The following VANGL1 variants were observed in gnomAD, a reference collection of about 807,000 sequenced individuals.
The protein encoded by VANGL1 is vang-like protein 1.
VANGL1 carries 18 observed loss-of-function variants against 48.4 expected under a neutral mutation model. The ratio of observed to expected loss-of-function variants is 0.37; its 90% CI spans 0.26 to 0.55. The LOEUF is 0.55. Ranked by LOEUF, VANGL1 falls within the 20% of genes least tolerant of loss-of-function variation. The probability of loss-of-function intolerance (pLI) is 0.81; values close to 1 mark genes in which losing one functional copy is unlikely to be tolerated. For synonymous variants in VANGL1, 257 were observed against 261.8 expected (o/e 0.98, Z 0.18); for missense variants, 667 against 675.8 (o/e 0.99, Z 0.14).
At chr1:115,686,850 C>T (rs1231975207) in intron 7 of VANGL1, among the ~76,000 whole-genome samples, 8 of 152,156 alleles carry the variant, frequency 5.3e-5, no homozygotes, top group African/African-American at 1.4e-4. Flanking sequence ...AGTTCCTCTA[C>T]ACTTGTTTAC....
At position 115,697,917 on chromosome 1, in the gene VANGL1, AAACTGGGTAGTGGGCTCTTTTGACACATT is replaced by A. The variant is rs1654086833; in HGVS notation, c.*6539_*6567del. ...ACAAGGCCTGAGTGAGTTCCTGCAT[AAACTGGGTAGTGGGCTCTTTTGACACATT>A]TGCAAGCATGTAAATGAATGAATGA... On this transcript the variant is annotated 3_prime_UTR_variant, in exon 8 of 8. Transcript: ENST00000355485. 6 of 152,356 alleles carry A rather than the reference AAACTGGGTAGTGGGCTCTTTTGACACATT, an allele frequency of 3.9e-5. No individual in the cohort carries two copies. The highest frequency in any genetic ancestry group is 3.9e-4 in the Admixed American group (6 of 15,308). The allele number at this position is 152,356 out of a possible 1,614,324, so 9.4% of individuals were successfully genotyped here. A position where few individuals can be genotyped will look rare whatever the true frequency, so the allele number is the denominator to read the frequency against.
chr1:115,690,879 A>G, intron 7 of VANGL1, among the ~76,000 whole-genome samples: 1 of 151,922 alleles, frequency 6.6e-6, no homozygotes. Context: ...GGGTACCACT[A>G]TTCTTGCGCT....
chr1:115,674,414 C>T (rs192093240), intron 4 of VANGL1, among the ~76,000 whole-genome samples: 107 of 152,270 alleles, frequency 7.0e-4, no homozygotes, highest in African/African-American at 2.3e-3. Flanking sequence ...GCTCATAATT[C>T]GTAACTGCTT....
intron 5 of VANGL1, 90 bp from the exon 6 acceptor site, chr1:115,683,854 G>C: frequency 1.3e-6 from 2 of 1,538,356 alleles, no homozygotes; most frequent in East Asian, 2.3e-5. Context: ...GGGGTGGGTA[G>C]ACAACACTGA....
chr1:115,687,775 C>A (rs1008697928), intron 7 of VANGL1, among the ~76,000 whole-genome samples: 1 of 128,402 alleles, frequency 7.8e-6, no homozygotes, highest in Non-Finnish European at 1.7e-5. Context: ...CGCCACCATG[C>A]CTGGCAATTT....
chr1:115,681,507 T>TTG (rs1424994338), intron 4 of VANGL1, among the ~76,000 whole-genome samples: 5 of 143,996 alleles, frequency 3.5e-5, no homozygotes, highest in South Asian at 4.6e-4. Flanking sequence ...TTTGTTGTTT[T>TTG]TTTTGTTTTT....
intron 2 of VANGL1, among the ~76,000 whole-genome samples, chr1:115,653,714 C>T (rs184804209): frequency 6.6e-6 from 1 of 152,318 alleles, no homozygotes; most frequent in Non-Finnish European, 1.5e-5. Flanking sequence ...GAGACTGTAA[C>T]TTCCAATTAA....
chr1:115,647,287 A>C (rs1199207737), intron 1 of VANGL1, among the ~76,000 whole-genome samples: 1 of 152,180 alleles, frequency 6.6e-6, no homozygotes, highest in Non-Finnish European at 1.5e-5. Flanking sequence ...GTGACAGCCT[A>C]TCAGTGTATT....
chr1:115,654,447 A>G (rs1185156674), intron 2 of VANGL1, among the ~76,000 whole-genome samples: 1 of 136,724 alleles, frequency 7.3e-6, no homozygotes, highest in Non-Finnish European at 1.5e-5. Flanking sequence ...AACTTTTGTC[A>G]TTGTGGTGTG....
intron 4 of VANGL1, among the ~76,000 whole-genome samples, chr1:115,673,239 T>A (rs1653047635): frequency 6.6e-6 from 1 of 152,216 alleles, no homozygotes; most frequent in Non-Finnish European, 1.5e-5. Flanking sequence ...CTCTCACGTT[T>A]GCATTCATCT....
intron 4 of VANGL1, among the ~76,000 whole-genome samples, 182 bp downstream of exon 4, chr1:115,664,450 T>A (rs1273970111): frequency 6.6e-6 from 1 of 152,176 alleles, no homozygotes; most frequent in Admixed American, 6.5e-5. Flanking sequence ...GTTTCTGGAC[T>A]TCTAGATGGT....
Position 115,691,579 on chromosome 1 carries a change from T to A in VANGL1, c.*200T>A, listed in dbSNP as rs929439850. ...GTCCACCCTGAAAAAGAGTGACTGA[T>A]GACATCTGACTTTTGTCGATGGGAC... is the stretch of plus-strand genomic sequence containing the variant. On this transcript the variant is annotated 3_prime_UTR_variant, in exon 8 of 8. Transcript: ENST00000355485. 2.3e-5 allele frequency: 14 copies of A among 600,274 alleles called. No homozygotes were observed. In the African/African-American group the frequency reaches 2.6e-4, roughly 11 times the overall value. 37.2% of individuals were successfully genotyped at this position (600,274 alleles called of 1,614,324 possible). A position where few individuals can be genotyped will look rare whatever the true frequency, so the allele number is the denominator to read the frequency against.
intron 2 of VANGL1, among the ~76,000 whole-genome samples, chr1:115,653,403 C>G (rs537601599): frequency 1.2e-4 from 18 of 152,278 alleles, no homozygotes; most frequent in African/African-American, 4.3e-4. Flanking sequence ...TATGAAATAC[C>G]AGAAACAGCT....
intron 7 of VANGL1, among the ~76,000 whole-genome samples, chr1:115,686,398 A>AT (rs1411453203): frequency 1.3e-5 from 2 of 149,822 alleles, no homozygotes; most frequent in Non-Finnish European, 3.0e-5. Context: ...AAATGCCATC[A>AT]GGCATTTTGG....
At chr1:115,668,046 T>C (rs532326618) in intron 4 of VANGL1, among the ~76,000 whole-genome samples, 7 of 152,188 alleles carry the variant, frequency 4.6e-5, no homozygotes, top group Non-Finnish European at 7.4e-5. Flanking sequence ...ACAACAATCA[T>C]GTGAGGTAGG....
intron 6 of VANGL1, among the ~76,000 whole-genome samples, chr1:115,684,283 C>T (rs577894491): frequency 3.9e-5 from 6 of 152,074 alleles, no homozygotes; most frequent in South Asian, 4.2e-4. Context: ...CGATCACAGG[C>T]GCCCACCACC....
intron 1 of VANGL1, among the ~76,000 whole-genome samples, chr1:115,649,145 G>A (rs972742395): frequency 6.6e-6 from 1 of 152,194 alleles, no homozygotes; most frequent in African/African-American, 2.4e-5. Flanking sequence ...GATTGAAATT[G>A]CTAGTGAAAA....
In VANGL1 at chr1:115,691,882, T is replaced by TA. The variant is rs1653851795; in HGVS notation, c.*503_*504insA. On this transcript the variant is annotated 3_prime_UTR_variant, in exon 8 of 8. Coordinates refer to ENST00000355485, the MANE Select transcript of VANGL1 (RefSeq NM_138959.3). ...TGGGCAGTTCAGGAGATACCTGCCT[T>TA]CATCTTTGTTCTTTGTTGCCTTAGG... 1 of 155,512 alleles carries TA rather than the reference T, an allele frequency of 6.4e-6. No homozygotes were observed. The highest frequency in any genetic ancestry group is 1.4e-5 in the Non-Finnish European group (1 of 69,912). The allele number at this position is 155,512 out of a possible 1,614,324, so 9.6% of individuals were successfully genotyped here. A position where few individuals can be genotyped will look rare whatever the true frequency, so the allele number is the denominator to read the frequency against.
At chr1:115,681,512 G>GTT (rs71096825) in intron 4 of VANGL1, among the ~76,000 whole-genome samples, 21 of 135,116 alleles carry the variant, frequency 1.6e-4, no homozygotes, top group East Asian at 4.4e-4. Context: ...TGTTTTTTTT[G>GTT]TTTTTTTTTT....
Sources: allele counts gnomAD v4.1 joint callset (sites outside exome capture counted in the v4.1 genomes callset), GRCh38; gene constraint gnomAD v4.1.1; transcripts MANE v1.5; gene names NCBI Gene and HGNC (gene_info 2026-07-23, HGNC 2026-07-21).